Variants in SESTD1 observed in about 807,000 individuals in gnomAD.
SESTD1 encodes the protein SEC14 and spectrin domain containing 1.
SESTD1 carries 43 observed loss-of-function variants against 101.7 expected under a neutral mutation model. That is an observed-to-expected ratio of 0.42 (90% CI 0.33 to 0.55). The LOEUF is 0.55. Among genes scored for constraint, SESTD1 ranks in the 20% least tolerant of loss-of-function variants. The pLI is 0.07. For synonymous variants in SESTD1, 283 were observed against 286.8 expected, an observed-to-expected ratio of 0.99 and a Z score of 0.13; for missense variants, 647 against 815.1, an observed-to-expected ratio of 0.79 and a Z score of 2.51.
intron 5 of SESTD1, among the ~76,000 whole-genome samples, chr2:179,164,416 G>T (rs965509730): frequency 1.3e-5 from 2 of 152,154 alleles, no homozygotes; most frequent in Admixed American, 6.5e-5. Context: ...GGAGAGTGGA[G>T]ATCCCTTTGA....
intron 10 of SESTD1, among the ~76,000 whole-genome samples, chr2:179,129,638 C>T (rs968956462): frequency 3.6e-4 from 54 of 152,108 alleles, no homozygotes; most frequent in African/African-American, 1.3e-3. Context: ...CAAATTCTAC[C>T]GTTAACAGCT....
At chr2:179,143,909 C>T (rs1335182619) in intron 8 of SESTD1, 106 bp from the exon 9 acceptor site, 4 of 1,117,408 alleles carry the variant, frequency 3.6e-6, no homozygotes, top group Non-Finnish European at 5.0e-6. Context: ...TATCTACCTA[C>T]ATATCTACCA....
intron 1 of SESTD1, among the ~76,000 whole-genome samples, chr2:179,251,285 G>C (rs1230638380): frequency 6.6e-6 from 1 of 152,198 alleles, no homozygotes. Context: ...AAGGAACTGG[G>C]TGTGGCCACA....
At chr2:179,142,592 C>T (rs1036441470) in intron 9 of SESTD1, among the ~76,000 whole-genome samples, 1 of 152,162 alleles carries the variant, frequency 6.6e-6, no homozygotes, top group Non-Finnish European at 1.5e-5. Flanking sequence ...CCTTTTTCCT[C>T]AACAGAACTT....
intron 9 of SESTD1, among the ~76,000 whole-genome samples, chr2:179,139,427 G>A (rs1575436571): frequency 6.6e-6 from 1 of 152,212 alleles, no homozygotes; most frequent in Non-Finnish European, 1.5e-5. Flanking sequence ...AGAAAGAAGG[G>A]GGAGAAATGA....
At position 179,209,234 on chromosome 2, in the gene SESTD1, T is replaced by C. The variant is rs1022153218; in HGVS notation, c.-25-17368A>G. On this transcript the variant is annotated intron_variant, in intron 1 of 17. Transcript: ENST00000428443. The stretch of plus-strand genomic sequence containing the variant: ...CCCAAATTTATAAAACAATTACTAC[T>C]AGACCGAAGAAATGAGACACATGGC... 7.5e-5 allele frequency among the ~76,000 whole-genome samples: 10 copies of C among 134,104 alleles called. 2 individuals are homozygous for C. Among genetic ancestry groups the C allele is most frequent in the South Asian group, 5.6e-4 (2 of 3,542 alleles). The allele number at this position is 134,104 out of a possible 152,430, so 88.0% of individuals were successfully genotyped here. A position where few individuals can be genotyped will look rare whatever the true frequency, so the allele number is the denominator to read the frequency against.
intron 16 of SESTD1, among the ~76,000 whole-genome samples, chr2:179,114,821 GAGA>G (rs1225490120): frequency 6.6e-6 from 1 of 152,178 alleles, no homozygotes; most frequent in Non-Finnish European, 1.5e-5. Context: ...GAAGTGTAAA[GAGA>G]AGAAGACTAC....
At chr2:179,191,935 GGT>G (rs1316038929) in intron 1 of SESTD1, 69 bp from the exon 2 acceptor site, 87 of 1,068,576 alleles carry the variant, frequency 8.1e-5, no homozygotes, top group Middle Eastern at 4.1e-4. Flanking sequence ...TCCTAATGAT[GGT>G]TTATCCCAGA....
At chr2:179,200,146 A>C (rs1476067095) in intron 1 of SESTD1, among the ~76,000 whole-genome samples, 1 of 152,118 alleles carries the variant, frequency 6.6e-6, no homozygotes, top group African/African-American at 2.4e-5. Context: ...CAGAGAGCCA[A>C]ATCATGAGTG....
chr2:179,249,551 A>G lies in SESTD1; in HGVS notation c.-26+14948T>C, dbSNP rs886492071. ...ATTGAGAGACATAACATGTTCATGG[A>G]TTTGCAGACTCACTATAGAAACGTG... On this transcript the variant is annotated intron_variant, in intron 1 of 17. Transcript: ENST00000428443. Among the ~76,000 whole-genome samples, 5 of 152,200 alleles carry G rather than the reference A, an allele frequency of 3.3e-5. No individual in the cohort carries two copies. In the East Asian group the frequency reaches 9.6e-4, roughly 29 times the overall value.
rs1412035421 is a variant in SESTD1, at chr2:179,104,770, T to C, written c.*5129A>G. ...TAAAATTACATATAGGAATTATACA[T>C]ACAGCCTCATAAAGTTCTCCAAAAA... On this transcript the variant is annotated 3_prime_UTR_variant, in exon 18 of 18. Transcript: ENST00000428443. 1.3e-5 allele frequency: 2 copies of C among 152,166 alleles called. No homozygotes were observed. The highest frequency in any genetic ancestry group is 2.9e-5 in the Non-Finnish European group (2 of 68,016). The allele number at this position is 152,166 out of a possible 1,614,324, so 9.4% of individuals were successfully genotyped here.
At chr2:179,217,668 GAC>G (rs896716017) in intron 1 of SESTD1, among the ~76,000 whole-genome samples, 75 of 152,214 alleles carry the variant, frequency 4.9e-4, no homozygotes, top group African/African-American at 1.7e-3. Context: ...GTACTATAAA[GAC>G]ACATGCACAC....
At chr2:179,166,496 G>C (rs1005261351) in intron 5 of SESTD1, among the ~76,000 whole-genome samples, 12 of 152,190 alleles carry the variant, frequency 7.9e-5, no homozygotes, top group Admixed American at 6.5e-4. Context: ...GTAGACCCAG[G>C]AATATATTAT....
In SESTD1 at chr2:179,128,339, TAAAG is replaced by T. The variant is rs1462033180; in HGVS notation, c.973-3785_973-3782del. On this transcript the variant is annotated intron_variant, in intron 10 of 17. Coordinates refer to ENST00000428443, the MANE Select transcript of SESTD1 (RefSeq NM_178123.5). ...TTGATATTACCGATTGAGGTTGCCATAAAGAAATAGTCTCTCTGGGATGTGGAGA... is the reference window on the plus strand; with the variant it reads ...TTGATATTACCGATTGAGGTTGCCATAAATAGTCTCTCTGGGATGTGGAGA... Among the ~76,000 whole-genome samples the T allele has an allele frequency of 6.6e-5, 10 of 152,234 alleles. No homozygotes were observed. The East Asian group carries it at 1.9e-3, about 29-fold the overall frequency.
intron 1 of SESTD1, among the ~76,000 whole-genome samples, chr2:179,255,735 T>G (rs530058311): frequency 6.6e-6 from 1 of 152,262 alleles, no homozygotes; most frequent in South Asian, 2.1e-4. Context: ...ATTTTCAATG[T>G]AGATGAAACA....
chr2:179,194,613 A>G (rs2046363621), intron 1 of SESTD1, among the ~76,000 whole-genome samples: 1 of 152,208 alleles, frequency 6.6e-6, no homozygotes, highest in Admixed American at 6.5e-5. Context: ...CGGCCCTGGG[A>G]GAACGGCAAT....
rs1217477872 is a variant in SESTD1 at position 179,205,860 on chromosome 2, T to C, written c.-25-13994A>G. Among the ~76,000 whole-genome samples, 7 of 134,482 alleles carry C rather than the reference T, an allele frequency of 5.2e-5. 1 individual carries two copies. The highest frequency in any genetic ancestry group is 2.0e-4 in the East Asian group (1 of 5,050). The allele number at this position is 134,482 out of a possible 152,430, so 88.2% of individuals were successfully genotyped here. On this transcript the variant is annotated intron_variant, in intron 1 of 17. Coordinates refer to ENST00000428443, the MANE Select transcript of SESTD1 (RefSeq NM_178123.5). ...TCTCCTTTCCATCAATCTCTTTCACTGTTGTCACAAAAGAGATGGCTAATA... is the reference window on the plus strand; with the variant it reads ...TCTCCTTTCCATCAATCTCTTTCACCGTTGTCACAAAAGAGATGGCTAATA...
chr2:179,217,064 T>C (rs1259380801), intron 1 of SESTD1, among the ~76,000 whole-genome samples: 2 of 152,018 alleles, frequency 1.3e-5, no homozygotes, highest in African/African-American at 2.4e-5. Context: ...ATTCAGGACA[T>C]AGGCATGGGC....
At chr2:179,115,559 C>T (rs983904198) in intron 15 of SESTD1, among the ~76,000 whole-genome samples, 1 of 151,690 alleles carries the variant, frequency 6.6e-6, no homozygotes, top group Non-Finnish European at 1.5e-5. Context: ...ACCAGCCTGG[C>T]CAACATAGCA....
Sources: allele counts gnomAD v4.1 joint callset (sites outside exome capture counted in the v4.1 genomes callset), GRCh38; gene constraint gnomAD v4.1.1; transcripts MANE v1.5; gene names NCBI Gene and HGNC (gene_info 2026-07-23, HGNC 2026-07-21).